CLASP2: variants seen among roughly 807,000 people sequenced by gnomAD.
The protein encoded by CLASP2 is CLIP-associating protein 2.
Under a neutral mutation model 194.4 loss-of-function variants are expected in CLASP2, and 47 were observed. The ratio of observed to expected loss-of-function variants is 0.24; its 90% CI spans 0.19 to 0.31. The LOEUF (loss-of-function observed/expected upper bound fraction) is 0.31, where lower values mean the gene tolerates loss of function less well. Among genes scored for constraint, CLASP2 ranks in the 10% least tolerant of loss-of-function variants. The pLI is 1.00. For missense variants in CLASP2, 1,445 were observed against 1,823.6 expected (o/e 0.79, Z 3.78); for synonymous variants, 619 against 633.5 (o/e 0.98, Z 0.34).
rs141318143 is a variant in CLASP2 at position 33,617,431 on chromosome 3, C to A, written c.1317+2172G>T. On this transcript the variant is annotated intron_variant, in intron 12 of 38. Coordinates refer to ENST00000682230, the MANE Select transcript of CLASP2 (RefSeq NM_001365631.1). ...AATATGAAGTTAGAAATCTATATTT[C>A]ACACAAAAATTAAATCCAGTTAGAT... Among the ~76,000 whole-genome samples the A allele has an allele frequency of 1.3e-3, 199 of 152,078 alleles. 1 individual carries two copies. The highest frequency in any genetic ancestry group is 4.5e-3 in the African/African-American group (187 of 41,502).
intron 23 of CLASP2, chr3:33,577,076 C>A: frequency 1.2e-6 from 1 of 805,486 alleles, no homozygotes; most frequent in Non-Finnish European, 1.9e-6. Flanking sequence ...AAAGTTTATT[C>A]TCCAACAAAT....
At chr3:33,654,454 C>T (rs937865548) in intron 7 of CLASP2, among the ~76,000 whole-genome samples, 1 of 152,022 alleles carries the variant, frequency 6.6e-6, no homozygotes, top group African/African-American at 2.4e-5. Flanking sequence ...AAGAGAAAGA[C>T]ATAAAACTTG....
rs2045856091 is a variant in CLASP2 at position 33,496,862 on chromosome 3, C to G, written c.*1769G>C. The stretch of plus-strand genomic sequence containing the variant: ...ATACCTTTGATTGTGGTAGCTACAC[C>G]TGAAAAATCTTTTCTCCTCAGATGA... On this transcript the variant is annotated 3_prime_UTR_variant, in exon 39 of 39. Transcript: ENST00000682230. 6.6e-6 allele frequency: 1 copy of G among 152,362 alleles called. No individual in the cohort carries two copies. The highest frequency in any genetic ancestry group is 2.4e-5 in the African/African-American group (1 of 41,442). The allele number at this position is 152,362 out of a possible 1,614,324, so 9.4% of individuals were successfully genotyped here.
intron 6 of CLASP2, among the ~76,000 whole-genome samples, chr3:33,675,118 C>G (rs955405953): frequency 1.9e-4 from 29 of 152,108 alleles, no homozygotes; most frequent in African/African-American, 4.3e-4. Flanking sequence ...ACCAAAGCCG[C>G]GCAGAGACAC....
chr3:33,583,232 G>C (rs2066557735), intron 22 of CLASP2, among the ~76,000 whole-genome samples: 1 of 152,210 alleles, frequency 6.6e-6, no homozygotes, highest in Non-Finnish European at 1.5e-5. Flanking sequence ...CAATACTGAA[G>C]GGAAAGCAAT....
chr3:33,565,183 T>G (rs1183140720), intron 27 of CLASP2, among the ~76,000 whole-genome samples: 2 of 152,094 alleles, frequency 1.3e-5, no homozygotes, highest in Admixed American at 6.5e-5. Flanking sequence ...TTTAATAACA[T>G]TTTATTTTCT....
At chr3:33,579,203 C>T (rs2065511072) in intron 23 of CLASP2, among the ~76,000 whole-genome samples, 1 of 152,060 alleles carries the variant, frequency 6.6e-6, no homozygotes. Flanking sequence ...ATCTTCAGTG[C>T]AAATAGGAAC....
At chr3:33,636,954 C>T (rs1026038766) in intron 8 of CLASP2, among the ~76,000 whole-genome samples, 5 of 152,152 alleles carry the variant, frequency 3.3e-5, no homozygotes, top group African/African-American at 1.2e-4. Context: ...AAATTACCAA[C>T]TATCCAAGAG....
chr3:33,600,953 CTTT>C (rs1205156622), intron 18 of CLASP2, among the ~76,000 whole-genome samples: 31 of 105,756 alleles, frequency 2.9e-4, no homozygotes, highest in Admixed American at 6.0e-4. Flanking sequence ...CTTGATAAGG[CTTT>C]TTTTTTTTTT....
Position 33,613,499 on chromosome 3 carries a change from G to A in CLASP2, c.1318-1428C>T, listed in dbSNP as rs79672726. Among the ~76,000 whole-genome samples the A allele has an allele frequency of 7.4e-3, 1,126 of 152,332 alleles. 6 individuals are homozygous for A. Among genetic ancestry groups the A allele is most frequent in the Middle Eastern group, 0.041 (12 of 294 alleles). On this transcript the variant is annotated intron_variant, in intron 12 of 38. Transcript: ENST00000682230. ...AGTTCTCCTAGCATTGGGGAAACAA[G>A]TCTTTCATTGAAGGAAAGTGCATAT...
At position 33,523,429 on chromosome 3, in the gene CLASP2, G is replaced by A. The variant is rs564540043; in HGVS notation, c.3788-6255C>T. ...GCAAGCAGCAACAGATAAGTGACCA[G>A]TGACATAAAAAGGATCCTCAGTAAG... On this transcript the variant is annotated intron_variant, in intron 34 of 38. Transcript: ENST00000682230. Among the ~76,000 whole-genome samples the A allele has an allele frequency of 2.6e-5, 4 of 152,132 alleles. No homozygotes were observed. The South Asian group carries it at 8.3e-4, about 32-fold the overall frequency.
At chr3:33,684,332 AAAAG>A in intron 6 of CLASP2, 23 bp downstream of exon 6, 1 of 1,422,274 alleles carries the variant, frequency 7.0e-7, no homozygotes, top group Middle Eastern at 1.8e-4. Context: ...GAAAAAAAAA[AAAAG>A]AACCAAATTT....
chr3:33,708,471 G>GGT (rs1016631656), intron 1 of CLASP2, among the ~76,000 whole-genome samples: 2 of 91,090 alleles, frequency 2.2e-5, no homozygotes, highest in South Asian at 4.2e-4. Context: ...TGTGTGTGTG[G>GGT]GTGTGTGTGT....
At chr3:33,636,555 A>G (rs1000160402) in intron 8 of CLASP2, among the ~76,000 whole-genome samples, 16 of 152,236 alleles carry the variant, frequency 1.1e-4, no homozygotes, top group African/African-American at 3.9e-4. Flanking sequence ...TTCTGAATAT[A>G]TATAGAAGAT....
At chr3:33,559,754 C>T (rs1179088356) in intron 28 of CLASP2, among the ~76,000 whole-genome samples, 1 of 152,068 alleles carries the variant, frequency 6.6e-6, no homozygotes, top group African/African-American at 2.4e-5. Flanking sequence ...ATTAGCCAGG[C>T]ATGGTGGCGC....
intron 1 of CLASP2, among the ~76,000 whole-genome samples, chr3:33,700,483 T>C (rs1309797381): frequency 6.6e-6 from 1 of 152,076 alleles, no homozygotes; most frequent in African/African-American, 2.4e-5. Flanking sequence ...AAAAACTAAC[T>C]GACACTCTAA....
At chr3:33,607,299 G>C (rs2074084533) in intron 15 of CLASP2, 85 bp downstream of exon 15, 5 of 887,556 alleles carry the variant, frequency 5.6e-6, no homozygotes, top group Non-Finnish European at 8.2e-6. Context: ...TAAAATACTT[G>C]GACACTTCTG....
At chr3:33,698,334 GC>G (rs2092111055) in intron 1 of CLASP2, among the ~76,000 whole-genome samples, 1 of 152,146 alleles carries the variant, frequency 6.6e-6, no homozygotes, top group African/African-American at 2.4e-5. Context: ...ACATCCTGGG[GC>G]CCATATAATT....
chr3:33,674,779 C>T (rs571685588), intron 6 of CLASP2, among the ~76,000 whole-genome samples: 424 of 152,278 alleles, frequency 2.8e-3, no homozygotes, highest in African/African-American at 9.7e-3. Flanking sequence ...CACAGAAATA[C>T]AAACTACCAT....
Sources: gnomAD v4.1 joint callset for allele counts (sites outside exome capture counted in the v4.1 genomes callset) on GRCh38, gnomAD v4.1.1 for gene constraint, MANE v1.5 for transcripts, NCBI Gene and HGNC (gene_info 2026-07-23, HGNC 2026-07-21) for gene names.